Variants in ZNF730 observed in about 807,000 individuals in gnomAD.
The protein encoded by ZNF730 is zinc finger protein 730.
Under a neutral mutation model 12.6 loss-of-function variants are expected in ZNF730, and 12 were observed. That is an observed-to-expected ratio of 0.95 (90% CI 0.61 to 1.54). The LOEUF is 1.54. Among genes scored for constraint, ZNF730 ranks in the 40% most tolerant of loss-of-function variants. ZNF730 has a pLI of 0.00. For missense variants in ZNF730, 643 were observed against 583.5 expected (o/e 1.10, Z -1.05); for synonymous variants, 194 against 195.8 (o/e 0.99, Z 0.08).
upstream of ZNF730, among the ~76,000 whole-genome samples, chr19:23,115,173 C>T (rs986989266): frequency 6.6e-6 from 1 of 151,248 alleles, no homozygotes; most frequent in African/African-American, 2.4e-5. Context: ...GCAGAAGTGT[C>T]ACTCTCCAGA....
At chr19:23,086,348 T>G (rs1970064309) in intron 1 of ZNF730, among the ~76,000 whole-genome samples, 1 of 152,222 alleles carries the variant, frequency 6.6e-6, no homozygotes, top group African/African-American at 2.4e-5. Context: ...TGTGATTGCT[T>G]TGGCATCTTT....
At chr19:23,077,282 A>G (rs567605284) in intron 1 of ZNF730, among the ~76,000 whole-genome samples, 7 of 152,200 alleles carry the variant, frequency 4.6e-5, no homozygotes, top group East Asian at 1.9e-4. Context: ...TAACACACCT[A>G]TGTAAAAAAT....
chr19:23,132,891 T>C (rs1007434697), intron 1 of ZNF730, among the ~76,000 whole-genome samples: 4 of 152,216 alleles, frequency 2.6e-5, no homozygotes, highest in African/African-American at 9.6e-5. Context: ...ATATCTGTAT[T>C]TTGAACTTTG....
chr19:23,093,398 C>A (rs563981984), intron 1 of ZNF730, among the ~76,000 whole-genome samples: 175 of 152,382 alleles, frequency 1.1e-3, no homozygotes, highest in Non-Finnish European at 2.0e-3. Flanking sequence ...GTGTCATCTT[C>A]TGAGGGCCCG....
intron 3 of ZNF730, among the ~76,000 whole-genome samples, chr19:23,140,319 T>A (rs911427810): frequency 1.3e-4 from 20 of 152,238 alleles, no homozygotes; most frequent in East Asian, 5.8e-4. Context: ...TTATTCTTTT[T>A]AAAAAATAGA....
At chr19:23,118,680 GA>G (rs566217107) in intron 1 of ZNF730, among the ~76,000 whole-genome samples, 1 of 152,142 alleles carries the variant, frequency 6.6e-6, no homozygotes, top group Non-Finnish European at 1.5e-5. Flanking sequence ...CCCTTTCTTA[GA>G]GACACATTGC....
At chr19:23,096,036 C>G (rs541341887) in intron 1 of ZNF730, among the ~76,000 whole-genome samples, 1 of 152,138 alleles carries the variant, frequency 6.6e-6, no homozygotes, top group Non-Finnish European at 1.5e-5. Context: ...TCTCTTCTTA[C>G]ACCTGGGCCA....
At chr19:23,099,382 G>A (rs1461028504) in intron 1 of ZNF730, among the ~76,000 whole-genome samples, 2 of 152,198 alleles carry the variant, frequency 1.3e-5, no homozygotes, top group African/African-American at 4.8e-5. Flanking sequence ...TACAGAGAGT[G>A]TCTTGACAGG....
intron 1 of ZNF730, among the ~76,000 whole-genome samples, chr19:23,076,792 C>T (rs1425191134): frequency 6.6e-6 from 1 of 152,086 alleles, no homozygotes. Flanking sequence ...TCCTCAGAGA[C>T]CTAGAGAAAG....
intron 3 of ZNF730, chr19:23,143,821 T>C (rs1050524538): frequency 2.0e-5 from 3 of 152,206 alleles, no homozygotes; most frequent in Admixed American, 2.0e-4. Context: ...ACTATGTTTG[T>C]ATATGACACA....
chr19:23,082,048 T>C (rs1157704361), intron 1 of ZNF730, among the ~76,000 whole-genome samples: 2 of 152,198 alleles, frequency 1.3e-5, no homozygotes, highest in Non-Finnish European at 2.9e-5. Context: ...ACCTGGACTT[T>C]GCTAACTATT....
rs188011775 is a variant in ZNF730 at position 23,093,551 on chromosome 19, G to A, written c.-94+18164G>A. Among the ~76,000 whole-genome samples the A allele has an allele frequency of 9.7e-3, 1,472 of 152,288 alleles. 11 individuals carry two copies. The highest frequency in any genetic ancestry group is 0.015 in the Non-Finnish European group (1,027 of 68,026). On this transcript the variant is annotated intron_variant, in intron 1 of 2. Transcript: ENST00000593635. Reference sequence around the variant, plus strand: ...CTTCCCCCCCTCATTCTTGGGGGTGGGGGTGGTGGCAGCTTGATCCCCGGG... The same window carrying A: ...CTTCCCCCCCTCATTCTTGGGGGTGAGGGTGGTGGCAGCTTGATCCCCGGG...
chr19:23,114,305 C>CTTTTTTTTTTTT (rs869304180), upstream of ZNF730, among the ~76,000 whole-genome samples: 9 of 103,512 alleles, frequency 8.7e-5, no homozygotes, highest in South Asian at 6.1e-4. Flanking sequence ...TTTTTCTTTT[C>CTTTTTTTTTTTT]TTTTTTTTTT....
At position 23,146,965 on chromosome 19, in the gene ZNF730, T is replaced by C. The variant is rs1331185193; in HGVS notation, c.*409T>C. ...TCAAAGAAATGCTGGTGAGAAATTC[T>C]AGAAATATGAAGAATGTGACAAAGC... On this transcript the variant is annotated 3_prime_UTR_variant, in exon 4 of 4. Transcript: ENST00000597761. 5.1e-6 allele frequency: 2 copies of C among 390,092 alleles called. No individual in the cohort carries two copies. The highest frequency in any genetic ancestry group is 9.6e-6 in the Non-Finnish European group (2 of 209,262). 24.2% of individuals were successfully genotyped at this position (390,092 alleles called of 1,614,324 possible). A position where few individuals can be genotyped will look rare whatever the true frequency, so the allele number is the denominator to read the frequency against.
chr19:23,127,315 A>G (rs1169510496), intron 1 of ZNF730: 4 of 684,992 alleles, frequency 5.8e-6, no homozygotes, highest in Non-Finnish European at 1.1e-5. Flanking sequence ...GGAAATTTAA[A>G]TATTTTCTCA....
chr19:23,107,075 T>TG (rs1469773707), intron 1 of ZNF730, among the ~76,000 whole-genome samples: 2 of 149,652 alleles, frequency 1.3e-5, no homozygotes, highest in Non-Finnish European at 3.0e-5. Context: ...ATGTTTTTGT[T>TG]TTTTTTTTTT....
At chr19:23,095,243 C>T (rs967658469) in intron 1 of ZNF730, 7 of 396,176 alleles carry the variant, frequency 1.8e-5, no homozygotes, top group Non-Finnish European at 3.1e-5. Context: ...TGTGAATCTT[C>T]TGCCTTGGTT....
intron 1 of ZNF730, among the ~76,000 whole-genome samples, chr19:23,133,263 T>G (rs1970768780): frequency 6.6e-6 from 1 of 152,218 alleles, no homozygotes; most frequent in Non-Finnish European, 1.5e-5. Context: ...GCTCTTCCAG[T>G]TACTCCATAT....
At chr19:23,091,945 A>G (rs1970166666) in intron 1 of ZNF730, among the ~76,000 whole-genome samples, 2 of 152,168 alleles carry the variant, frequency 1.3e-5, no homozygotes, top group Admixed American at 6.6e-5. Flanking sequence ...GGCCAGGGGC[A>G]GAATGATATT....
Sources: allele counts gnomAD v4.1 joint callset (sites outside exome capture counted in the v4.1 genomes callset), GRCh38; gene constraint gnomAD v4.1.1; transcripts MANE v1.5; gene names NCBI Gene and HGNC (gene_info 2026-07-23, HGNC 2026-07-21).